DPP10: variants seen among roughly 807,000 people sequenced by gnomAD.
DPP10 encodes the protein dipeptidyl peptidase like 10.
A neutral mutation model predicts 120.9 loss-of-function variants in DPP10; 33 were observed. That is an observed-to-expected ratio of 0.27 (90% CI 0.21 to 0.37). The LOEUF is 0.37. Ranked by LOEUF, DPP10 falls within the 10% of genes least tolerant of loss-of-function variation. The pLI, the probability that DPP10 is intolerant of heterozygous loss-of-function variation, is 1.00. For missense variants in DPP10, 816 were observed against 942.8 expected, an observed-to-expected ratio of 0.87 and a Z score of 1.76; for synonymous variants, 337 against 326.1, an observed-to-expected ratio of 1.03 and a Z score of -0.36.
intron 1 of DPP10, among the ~76,000 whole-genome samples, chr2:115,164,355 A>G (rs1202085695): frequency 6.6e-6 from 1 of 151,954 alleles, no homozygotes; most frequent in Non-Finnish European, 1.5e-5. Context: ...ATTATGGTTT[A>G]ATTCTGCAAT....
At chr2:115,174,302 C>T (rs951505973) in intron 1 of DPP10, among the ~76,000 whole-genome samples, 6 of 151,984 alleles carry the variant, frequency 3.9e-5, no homozygotes, top group Admixed American at 2.0e-4. Flanking sequence ...ATGTGGTTCT[C>T]GTATAAGTAT....
At chr2:115,387,998 A>T (rs1451469762) in intron 3 of DPP10, among the ~76,000 whole-genome samples, 1 of 152,218 alleles carries the variant, frequency 6.6e-6, no homozygotes, top group Admixed American at 6.5e-5. Flanking sequence ...CTGACAGCTA[A>T]CTTACAGAAA....
intron 5 of DPP10, among the ~76,000 whole-genome samples, chr2:115,625,198 G>T (rs1025383743): frequency 2.0e-5 from 3 of 152,088 alleles, no homozygotes; most frequent in African/African-American, 7.2e-5. Context: ...AACCTAATTT[G>T]TGAGCTAATT....
chr2:115,082,716 G>A (rs1172157401), intron 1 of DPP10, among the ~76,000 whole-genome samples: 2 of 152,166 alleles, frequency 1.3e-5, no homozygotes, highest in Non-Finnish European at 2.9e-5. Context: ...TCCAGCCAGT[G>A]AACCTACCAG....
intron 1 of DPP10, among the ~76,000 whole-genome samples, chr2:114,755,838 T>C (rs1429337041): frequency 2.0e-5 from 3 of 152,128 alleles, no homozygotes; most frequent in Admixed American, 2.0e-4. Context: ...TTCCTCAGTT[T>C]GTTCTTTTGC....
intron 1 of DPP10, among the ~76,000 whole-genome samples, chr2:114,948,982 T>G (rs1019649034): frequency 6.6e-6 from 1 of 151,678 alleles, no homozygotes. Context: ...TGGAGTACAG[T>G]GGCACAATCT....
chr2:114,905,579 G>C (rs185653284), intron 1 of DPP10, among the ~76,000 whole-genome samples: 1 of 152,074 alleles, frequency 6.6e-6, no homozygotes, highest in African/African-American at 2.4e-5. Context: ...CATCACCCAG[G>C]TTTTTAGCCT....
chr2:114,503,815 T>A, intron 1 of DPP10, among the ~76,000 whole-genome samples: 1 of 152,212 alleles, frequency 6.6e-6, no homozygotes, highest in East Asian at 1.9e-4. Context: ...TTTGTCTGAC[T>A]TTTGTCCCAT....
At chr2:114,902,075 A>T (rs1693619551) in intron 1 of DPP10, among the ~76,000 whole-genome samples, 1 of 152,182 alleles carries the variant, frequency 6.6e-6, no homozygotes. Flanking sequence ...GTGCCCAGGA[A>T]AGTTTCACTG....
intron 1 of DPP10, among the ~76,000 whole-genome samples, chr2:114,702,807 C>T (rs1700462520): frequency 6.6e-6 from 1 of 152,104 alleles, no homozygotes; most frequent in Non-Finnish European, 1.5e-5. Flanking sequence ...GAAATGGATG[C>T]TAACCTCAGA....
At chr2:115,510,669 C>G (rs1245593700) in intron 4 of DPP10, among the ~76,000 whole-genome samples, 1 of 152,008 alleles carries the variant, frequency 6.6e-6, no homozygotes, top group Non-Finnish European at 1.5e-5. Flanking sequence ...GTAAAATTTG[C>G]AAACAAAGTC....
intron 1 of DPP10, among the ~76,000 whole-genome samples, chr2:114,920,723 C>T (rs1029522350): frequency 2.6e-5 from 4 of 152,080 alleles, no homozygotes; most frequent in African/African-American, 9.7e-5. Flanking sequence ...AATGGAAACC[C>T]TACCATATTT....
intron 2 of DPP10, among the ~76,000 whole-genome samples, chr2:115,312,481 C>G (rs1236236930): frequency 1.3e-5 from 2 of 152,114 alleles, no homozygotes; most frequent in Non-Finnish European, 2.9e-5. Flanking sequence ...TAGAAATGAT[C>G]TAGTCTTGCC....
chr2:115,054,684 A>C (rs914918319), intron 1 of DPP10, among the ~76,000 whole-genome samples: 2 of 152,196 alleles, frequency 1.3e-5, no homozygotes, highest in Non-Finnish European at 2.9e-5. Flanking sequence ...AGGCTGAGGC[A>C]GGTGGATCAT....
In DPP10 at chr2:114,663,668, T is replaced by TATATAGAGAGAGAGAGAGAGAGAGAG; in HGVS notation, c.60+220831_60+220832insTATAGAGAGAGAGAGAGAGAGAGAGA. Among the ~76,000 whole-genome samples the TATATAGAGAGAGAGAGAGAGAGAGAG allele has an allele frequency of 2.8e-4, 23 of 80,702 alleles. 1 individual carries two copies. Among genetic ancestry groups the TATATAGAGAGAGAGAGAGAGAGAGAG allele is most frequent in the African/African-American group, 1.8e-3 (19 of 10,628 alleles). 52.9% of individuals were successfully genotyped at this position (80,702 alleles called of 152,430 possible). ...ATATATATATATATATATATATATA[T>TATATAGAGAGAGAGAGAGAGAGAGAG]AGAGAGAGAGAGAGAGAGAGAGAGA... On this transcript the variant is annotated intron_variant, in intron 1 of 25. Coordinates refer to ENST00000410059, the MANE Select transcript of DPP10 (RefSeq NM_020868.6).
chr2:114,997,969 A>C (rs1328972726), intron 1 of DPP10, among the ~76,000 whole-genome samples: 2 of 152,204 alleles, frequency 1.3e-5, no homozygotes, highest in Non-Finnish European at 2.9e-5. Context: ...ATTTTAAATA[A>C]TTTTGTGCAT....
At chr2:114,663,652 T>TAGAG (rs1558980704) in intron 1 of DPP10, among the ~76,000 whole-genome samples, 2 of 90,846 alleles carry the variant, frequency 2.2e-5, no homozygotes, top group Non-Finnish European at 4.1e-5. Context: ...TATATATATA[T>TAGAG]ATATATATAT....
intron 1 of DPP10, among the ~76,000 whole-genome samples, chr2:115,153,403 A>G (rs1335312025): frequency 1.3e-5 from 2 of 152,170 alleles, no homozygotes; most frequent in African/African-American, 4.8e-5. Flanking sequence ...TCTAGTGAAT[A>G]TGCATTGACT....
At chr2:115,805,551 T>C (rs370702657) in intron 19 of DPP10, among the ~76,000 whole-genome samples, 1 of 150,044 alleles carries the variant, frequency 6.7e-6, no homozygotes, top group South Asian at 2.1e-4. Flanking sequence ...CTGGAGCTGT[T>C]CCTATTCGGC....
Sources: gnomAD v4.1 joint callset for allele counts (sites outside exome capture counted in the v4.1 genomes callset) on GRCh38, gnomAD v4.1.1 for gene constraint, MANE v1.5 for transcripts, NCBI Gene and HGNC (gene_info 2026-07-23, HGNC 2026-07-21) for gene names.